The following ITFG1 variants were observed in gnomAD, a reference collection of about 807,000 sequenced individuals.
The protein encoded by ITFG1 is integrin alpha FG-GAP repeat containing 1.
Under a neutral mutation model 81.8 loss-of-function variants are expected in ITFG1, and 34 were observed. That is an observed-to-expected ratio of 0.42 (90% CI 0.32 to 0.55). The LOEUF (loss-of-function observed/expected upper bound fraction) is 0.55, where lower values mean the gene tolerates loss of function less well. Among genes scored for constraint, ITFG1 ranks in the 20% least tolerant of loss-of-function variants. The pLI is 0.17. For missense variants in ITFG1, 672 were observed against 755.4 expected, an observed-to-expected ratio of 0.89 and a Z score of 1.29; for synonymous variants, 285 against 270.6, an observed-to-expected ratio of 1.05 and a Z score of -0.52.
intron 12 of ITFG1, 94 bp downstream of exon 12, chr16:47,258,538 A>C: frequency 1.5e-6 from 1 of 665,672 alleles, no homozygotes; most frequent in Non-Finnish European, 2.7e-6. Context: ...TCTGATCTAG[A>C]GGGTTGTACA....
chr16:47,314,417 C>T (rs1476462264), intron 8 of ITFG1, among the ~76,000 whole-genome samples: 2 of 152,044 alleles, frequency 1.3e-5, no homozygotes, highest in East Asian at 3.8e-4. Context: ...GGATGAACTT[C>T]GATCCAAGAG....
chr16:47,420,434 T>C (rs1044976823), intron 6 of ITFG1, among the ~76,000 whole-genome samples: 5 of 152,172 alleles, frequency 3.3e-5, no homozygotes, highest in Non-Finnish European at 4.4e-5. Context: ...GAGTGTGATG[T>C]TGAAGTGCTG....
At chr16:47,347,864 G>A (rs372382017) in intron 8 of ITFG1, among the ~76,000 whole-genome samples, 15 of 152,320 alleles carry the variant, frequency 9.8e-5, no homozygotes, top group South Asian at 8.3e-4. Flanking sequence ...GGAACGATCA[G>A]ACAGCAACAT....
chr16:47,185,307 C>A (rs1965196180), intron 14 of ITFG1, among the ~76,000 whole-genome samples: 1 of 152,196 alleles, frequency 6.6e-6, no homozygotes, highest in Non-Finnish European at 1.5e-5. Flanking sequence ...CTCTCCACCC[C>A]AAATCAACAG....
chr16:47,194,927 A>G (rs1965338670), intron 14 of ITFG1, among the ~76,000 whole-genome samples: 3 of 152,070 alleles, frequency 2.0e-5, no homozygotes, highest in Admixed American at 6.6e-5. Flanking sequence ...AAAAATCTTC[A>G]GAGCAACCCA....
At chr16:47,265,733 C>A (rs149726492) in intron 10 of ITFG1, among the ~76,000 whole-genome samples, 18 of 151,968 alleles carry the variant, frequency 1.2e-4, no homozygotes, top group African/African-American at 3.4e-4. Context: ...GGACAAAAAC[C>A]AGAAAGTAGA....
At chr16:47,446,490 C>T (rs1440259252) in intron 5 of ITFG1, among the ~76,000 whole-genome samples, 2 of 152,098 alleles carry the variant, frequency 1.3e-5, no homozygotes, top group African/African-American at 4.8e-5. Flanking sequence ...CTAGGGGGTG[C>T]AACAGTAAGA....
intron 5 of ITFG1, among the ~76,000 whole-genome samples, chr16:47,441,039 T>C (rs1002643649): frequency 1.5e-4 from 23 of 152,134 alleles, no homozygotes; most frequent in African/African-American, 5.6e-4. Context: ...CATCAGAGAA[T>C]ACTATAAACA....
At position 47,155,789 on chromosome 16, in the gene ITFG1, A is replaced by G. The variant is rs1964693785; in HGVS notation, c.1780-11T>C. 6.3e-7 allele frequency: 1 copy of G among 1,592,764 alleles called. No individual in the cohort carries two copies. The highest frequency in any genetic ancestry group is 2.3e-5 in the East Asian group (1 of 44,416). On this transcript the variant is annotated splice_polypyrimidine_tract_variant and intron_variant, in intron 17 of 17. Transcript: ENST00000320640. ...TCTATCATCTGCTTTCTGAAAAAGA[A>G]TTTTAGACTCGTTTATAAATGGTAG...
In ITFG1 at chr16:47,357,467, T is replaced by C. The variant is rs937539010; in HGVS notation, c.802+8321A>G. Among the ~76,000 whole-genome samples, 15 of 151,526 alleles carry C rather than the reference T, an allele frequency of 9.9e-5. No homozygotes were observed. In the Middle Eastern group the frequency reaches 0.01, roughly 104 times the overall value. ...GTCTCTACTAAAAATACAAAACAAT[T>C]AGCCGGGCGTGGTGGTGGGCACCTG... On this transcript the variant is annotated intron_variant, in intron 8 of 17. Coordinates refer to ENST00000320640, the MANE Select transcript of ITFG1 (RefSeq NM_030790.5).
At chr16:47,241,949 G>A (rs367949657) in intron 12 of ITFG1, among the ~76,000 whole-genome samples, 3 of 141,930 alleles carry the variant, frequency 2.1e-5, no homozygotes, top group African/African-American at 5.2e-5. Flanking sequence ...GCAAGACTCC[G>A]TCTCAAAAAA....
intron 5 of ITFG1, among the ~76,000 whole-genome samples, chr16:47,444,435 A>G (rs1969296655): frequency 1.3e-5 from 2 of 152,196 alleles, no homozygotes; most frequent in Admixed American, 6.6e-5. Context: ...TGAAAAAAGA[A>G]TAACACTATG....
intron 14 of ITFG1, among the ~76,000 whole-genome samples, chr16:47,170,243 T>G (rs2151509669): frequency 6.6e-6 from 1 of 152,292 alleles, no homozygotes; most frequent in East Asian, 1.9e-4. Context: ...AGAGTTTCAG[T>G]AAAAGTGATG....
rs562889599 is a variant in ITFG1, at chr16:47,445,375, G to GA, written c.560+6020dup. On this transcript the variant is annotated intron_variant, in intron 5 of 17. Coordinates refer to ENST00000320640, the MANE Select transcript of ITFG1 (RefSeq NM_030790.5). The stretch of plus-strand genomic sequence containing the variant: ...GAAGACAGCATTCTCATGTGAAGGA[G>GA]AAAGTTATAGTGAAAACAGGTACAC... Among the ~76,000 whole-genome samples, 503 of 151,838 alleles carry GA rather than the reference G, an allele frequency of 3.3e-3. 3 individuals are homozygous for GA. The highest frequency in any genetic ancestry group is 0.012 in the African/African-American group (480 of 41,398).
At chr16:47,360,304 A>C (rs1245105579) in intron 8 of ITFG1, among the ~76,000 whole-genome samples, 1 of 152,184 alleles carries the variant, frequency 6.6e-6, no homozygotes, top group Admixed American at 6.5e-5. Flanking sequence ...ACTGGCAATG[A>C]CAGTGATATG....
intron 5 of ITFG1, among the ~76,000 whole-genome samples, chr16:47,443,303 G>A (rs570473396): frequency 6.6e-6 from 1 of 152,116 alleles, no homozygotes; most frequent in African/African-American, 2.4e-5. Flanking sequence ...GTTGGTGGGA[G>A]TGTAAACTAG....
chr16:47,346,308 G>T (rs1967854312), intron 8 of ITFG1, among the ~76,000 whole-genome samples: 1 of 152,078 alleles, frequency 6.6e-6, no homozygotes. Context: ...AAATACATGG[G>T]AATTAAACAA....
chr16:47,217,806 TC>T (rs1965643125), intron 14 of ITFG1, among the ~76,000 whole-genome samples: 1 of 152,038 alleles, frequency 6.6e-6, no homozygotes, highest in South Asian at 2.1e-4. Flanking sequence ...GCACCTGTGG[TC>T]CCAGCTGCTC....
At chr16:47,381,142 T>C (rs781501545) in intron 6 of ITFG1, among the ~76,000 whole-genome samples, 25 of 152,330 alleles carry the variant, frequency 1.6e-4, no homozygotes, top group Middle Eastern at 3.4e-3. Flanking sequence ...CTGGTTAAAG[T>C]TGGCATTAAA....
Sources: allele counts gnomAD v4.1 joint callset (sites outside exome capture counted in the v4.1 genomes callset), GRCh38; gene constraint gnomAD v4.1.1; transcripts MANE v1.5; gene names NCBI Gene and HGNC (gene_info 2026-07-23, HGNC 2026-07-21).